MAGI2: variants seen among roughly 807,000 people sequenced by gnomAD.
MAGI2 encodes the protein membrane associated guanylate kinase, WW and PDZ domain containing 2.
MAGI2 carries 35 observed loss-of-function variants against 133.3 expected under a neutral mutation model. The observed-to-expected ratio is 0.26, with a 90% CI of 0.20 to 0.35. The LOEUF (loss-of-function observed/expected upper bound fraction) is 0.35. Ranked by LOEUF, MAGI2 falls within the 10% of genes least tolerant of loss-of-function variation. MAGI2 has a pLI of 1.00. For missense variants in MAGI2, 1,636 were observed against 1,863.4 expected, an observed-to-expected ratio of 0.88 and a Z score of 2.25; for synonymous variants, 729 against 710.6, an observed-to-expected ratio of 1.03 and a Z score of -0.41.
intron 1 of MAGI2, among the ~76,000 whole-genome samples, chr7:79,355,144 C>T (rs1224064790): frequency 6.6e-6 from 1 of 152,182 alleles, no homozygotes; most frequent in African/African-American, 2.4e-5. Flanking sequence ...TTAACCAGGA[C>T]TTCGTTCCTG....
intron 20 of MAGI2, among the ~76,000 whole-genome samples, chr7:78,083,387 GGAGAGAGAGAGA>G (rs747230358): frequency 4.8e-4 from 16 of 33,310 alleles, no homozygotes; most frequent in East Asian, 1.3e-3. Context: ...AGGGAGGGGG[GGAGAGAGAGAGA>G]GAGAGAGAGA....
chr7:78,615,203 A>G (rs892646677), intron 3 of MAGI2: 1 of 152,184 alleles, frequency 6.6e-6, no homozygotes, highest in African/African-American at 2.4e-5. Flanking sequence ...TTTACCATAA[A>G]TGAGACCCCT....
chr7:78,409,074 A>G (rs1467616463), intron 6 of MAGI2, among the ~76,000 whole-genome samples: 1 of 152,052 alleles, frequency 6.6e-6, no homozygotes, highest in African/African-American at 2.4e-5. Context: ...ACATTATTTC[A>G]TTTAATCCTT....
chr7:79,339,464 G>GTTT (rs71095397), intron 1 of MAGI2, among the ~76,000 whole-genome samples: 16,790 of 134,216 alleles, frequency 0.13, 1,117 homozygotes, highest in African/African-American at 0.16. Context: ...TTTTGTTTTT[G>GTTT]TTTTTTTTTT....
chr7:79,269,273 A>G (rs1834702374), intron 1 of MAGI2, among the ~76,000 whole-genome samples: 1 of 152,194 alleles, frequency 6.6e-6, no homozygotes, highest in Non-Finnish European at 1.5e-5. Flanking sequence ...TAGTGGAACT[A>G]ACTTTTTAAA....
chr7:79,207,010 C>T (rs1402429489), intron 1 of MAGI2, among the ~76,000 whole-genome samples: 1 of 151,866 alleles, frequency 6.6e-6, no homozygotes, highest in Non-Finnish European at 1.5e-5. Flanking sequence ...CAAAATTTAA[C>T]AACCTTTGAC....
intron 1 of MAGI2, among the ~76,000 whole-genome samples, chr7:79,385,325 C>T (rs1323678273): frequency 6.6e-6 from 1 of 151,844 alleles, no homozygotes; most frequent in South Asian, 2.1e-4. Flanking sequence ...TTGGATTATA[C>T]ACCTTCAGGA....
At chr7:79,201,183 G>A (rs1184919755) in intron 1 of MAGI2, among the ~76,000 whole-genome samples, 4 of 152,182 alleles carry the variant, frequency 2.6e-5, no homozygotes, top group Middle Eastern at 3.4e-3. Context: ...AGATGGTGAG[G>A]AGGGATGACA....
chr7:78,260,133 A>T (rs1023483590), intron 9 of MAGI2, among the ~76,000 whole-genome samples: 11 of 152,326 alleles, frequency 7.2e-5, no homozygotes, highest in African/African-American at 2.4e-4. Flanking sequence ...TTAAAAAAAT[A>T]TATAGATGTC....
At chr7:78,671,890 A>G (rs1346202573) in intron 2 of MAGI2, among the ~76,000 whole-genome samples, 1 of 152,166 alleles carries the variant, frequency 6.6e-6, no homozygotes, top group Non-Finnish European at 1.5e-5. Context: ...CTATATTTCT[A>G]TGTGATGACA....
At chr7:79,305,979 C>A (rs1294610587) in intron 1 of MAGI2, among the ~76,000 whole-genome samples, 1 of 150,906 alleles carries the variant, frequency 6.6e-6, no homozygotes, top group Non-Finnish European at 1.5e-5. Flanking sequence ...ACTACATATT[C>A]CTGTAGTATC....
rs532241031 is a variant in MAGI2, at chr7:79,229,009, G to A, written c.302-221803C>T. ...AGCCCATGTGGATTAAAAAGAAGTA[G>A]GAAGAGTTGTATTTACTTCTTGTGA... On this transcript the variant is annotated intron_variant, in intron 1 of 21. Transcript: ENST00000354212. Among the ~76,000 whole-genome samples the A allele has an allele frequency of 1.2e-3, 187 of 152,074 alleles. 1 individual carries two copies. Among genetic ancestry groups the A allele is most frequent in the Non-Finnish European group, 1.9e-3 (126 of 68,000 alleles).
intron 1 of MAGI2, among the ~76,000 whole-genome samples, chr7:79,053,339 A>C (rs1326305293): frequency 1.3e-5 from 2 of 152,000 alleles, no homozygotes; most frequent in African/African-American, 4.8e-5. Context: ...AGACTTACAT[A>C]AACAAGGGAG....
chr7:78,688,577 A>T (rs1340027519), intron 2 of MAGI2, among the ~76,000 whole-genome samples: 2 of 152,242 alleles, frequency 1.3e-5, no homozygotes, highest in African/African-American at 4.8e-5. Flanking sequence ...TACTGAAAGG[A>T]TCATTTAAAT....
At position 78,845,374 on chromosome 7, in the gene MAGI2, A is replaced by C. The variant is rs1388614966; in HGVS notation, c.418+161716T>G. 2.6e-5 allele frequency among the ~76,000 whole-genome samples: 4 copies of C among 151,918 alleles called. No individual in the cohort carries two copies. The East Asian group carries it at 7.8e-4, about 29-fold the overall frequency. On this transcript the variant is annotated intron_variant, in intron 2 of 21. Transcript: ENST00000354212. ...TCTCCATTTTAGTGAAAGAATCAATAGTAGTTCTATCATTTTAATAAATTA... is the reference window on the plus strand; with the variant it reads ...TCTCCATTTTAGTGAAAGAATCAATCGTAGTTCTATCATTTTAATAAATTA...
intron 3 of MAGI2, among the ~76,000 whole-genome samples, chr7:78,529,668 GTTTTTTTTTTTTT>G (rs554010061): frequency 2.7e-3 from 154 of 57,430 alleles, no homozygotes; most frequent in African/African-American, 7.8e-3. Flanking sequence ...AAAGGAGATG[GTTTTTTTTTTTTT>G]TTTTTTTTTT....
At chr7:79,057,082 A>C (rs1813215356) in intron 1 of MAGI2, among the ~76,000 whole-genome samples, 1 of 152,198 alleles carries the variant, frequency 6.6e-6, no homozygotes, top group South Asian at 2.1e-4. Flanking sequence ...TGCTATTCTG[A>C]AAACATTCTT....
At chr7:78,603,532 ATTTTC>A (rs1805439429) in intron 3 of MAGI2, among the ~76,000 whole-genome samples, 1 of 151,920 alleles carries the variant, frequency 6.6e-6, no homozygotes, top group Non-Finnish European at 1.5e-5. Flanking sequence ...TAATATTTCT[ATTTTC>A]TTTTGAGATG....
At chr7:79,324,064 C>T (rs1177469562) in intron 1 of MAGI2, among the ~76,000 whole-genome samples, 1 of 152,068 alleles carries the variant, frequency 6.6e-6, no homozygotes, top group African/African-American at 2.4e-5. Flanking sequence ...TAGGGCAAAT[C>T]CTCTTACAGC....
Sources: allele counts gnomAD v4.1 joint callset (sites outside exome capture counted in the v4.1 genomes callset), GRCh38; gene constraint gnomAD v4.1.1; transcripts MANE v1.5; gene names NCBI Gene and HGNC (gene_info 2026-07-23, HGNC 2026-07-21).